MYZAP: variants seen among roughly 807,000 people sequenced by gnomAD.
The protein encoded by MYZAP is myocardial zonula adherens protein.
Under a neutral mutation model 69.4 loss-of-function variants are expected in MYZAP, and 66 were observed. That is an observed-to-expected ratio of 0.95 (90% CI 0.78 to 1.17). MYZAP has a LOEUF of 1.17. Among genes scored for constraint, MYZAP ranks in the 50% most tolerant of loss-of-function variants. The pLI is 0.00. For missense variants in MYZAP, 611 were observed against 556.2 expected (o/e 1.10, Z -0.99); for synonymous variants, 256 against 205.9 (o/e 1.24, Z -2.09).
At chr15:57,678,327 A>G (rs1319184624) in intron 12 of MYZAP, among the ~76,000 whole-genome samples, 1 of 152,154 alleles carries the variant, frequency 6.6e-6, no homozygotes, top group African/African-American at 2.4e-5. Context: ...ATGCCCCTGC[A>G]CTCCAGCCTG....
chr15:57,591,905 T>A lies in MYZAP; in HGVS notation c.-130T>A. The A allele has an allele frequency of 4.3e-6, 3 of 692,018 alleles. No individual in the cohort carries two copies. The highest frequency in any genetic ancestry group is 3.7e-6 in the Non-Finnish European group (2 of 534,954). The allele number at this position is 692,018 out of a possible 1,614,324, so 42.9% of individuals were successfully genotyped here. On this transcript the variant is annotated 5_prime_UTR_variant, in exon 1 of 13. Transcript: ENST00000267853. Reference sequence around the variant, plus strand: ...CCGCCCCCGGCCCCACCCCCGGGCCTTCGCGGTGCAGCTGAGGCTGCAAGT... The same window carrying A: ...CCGCCCCCGGCCCCACCCCCGGGCCATCGCGGTGCAGCTGAGGCTGCAAGT...
At position 57,668,894 on chromosome 15, in the gene MYZAP, A is replaced by ATATATATATATTTT. The variant is rs1252525814; in HGVS notation, c.1204-6073_1204-6072insATATATATATTTTT. Among the ~76,000 whole-genome samples, 100 of 62,582 alleles carry ATATATATATATTTT rather than the reference A, an allele frequency of 1.6e-3. 1 individual carries two copies. Among genetic ancestry groups the ATATATATATATTTT allele is most frequent in the African/African-American group, 3.4e-3 (87 of 25,360 alleles). 41.1% of individuals were successfully genotyped at this position (62,582 alleles called of 152,430 possible). A position where few individuals can be genotyped will look rare whatever the true frequency, so the allele number is the denominator to read the frequency against. On this transcript the variant is annotated intron_variant, in intron 11 of 12. Coordinates refer to ENST00000267853, the MANE Select transcript of MYZAP (RefSeq NM_001018100.5). ...TGAAGATATATATATATATATATAT[A>ATATATATATATTTT]TTTTTTTTTTTTTGCAATGGGGTCT...
intron 8 of MYZAP, among the ~76,000 whole-genome samples, chr15:57,635,398 T>G (rs2036756996): frequency 6.6e-6 from 1 of 152,208 alleles, no homozygotes; most frequent in Non-Finnish European, 1.5e-5. Flanking sequence ...ACGACCCATT[T>G]TATGCTTATC....
rs775386543 is a variant in MYZAP, at chr15:57,604,299, C to G, written c.106C>G (p.Pro36Ala). 1 of 1,614,212 alleles carries G rather than the reference C, an allele frequency of 6.2e-7. No homozygotes were observed. The highest frequency in any genetic ancestry group is 2.2e-5 in the East Asian group (1 of 44,886). Residue 36 changes from proline (P) to alanine (A), a missense_variant, in exon 2 of 13, where the codon CCT (proline) becomes GCT (alanine). By Grantham distance (27) the Pro-to-Ala change is conservative (BLOSUM62 -1). Transcript: ENST00000267853. ...ANVCRLRLTV[P>A]PESPVPEQCE... is the part of the protein sequence containing the mutation. ...TGTTTGCAGACTACGGCTGACCGTA[C>G]CTCCTGAGAGTCCAGTTCCTGAGCA...
intron 10 of MYZAP, chr15:57,647,102 T>A (rs778578347): frequency 6.6e-5 from 65 of 985,298 alleles, no homozygotes; most frequent in Non-Finnish European, 7.8e-5. Context: ...AGTTCTCCAC[T>A]CCTATCACTC....
chr15:57,649,716 T>G (rs2037631761), intron 10 of MYZAP, among the ~76,000 whole-genome samples: 1 of 152,182 alleles, frequency 6.6e-6, no homozygotes, highest in African/African-American at 2.4e-5. Context: ...AAGTTAATCT[T>G]TTTGGCTGTG....
At chr15:57,641,664 A>AAGAG in intron 10 of MYZAP, among the ~76,000 whole-genome samples, 1 of 152,192 alleles carries the variant, frequency 6.6e-6, no homozygotes. Flanking sequence ...CAGCAACAAA[A>AAGAG]AGAGAGAGAG....
At chr15:57,661,406 A>G (rs2038297595) in intron 10 of MYZAP, 44 bp from the exon 11 acceptor site, 5 of 1,434,922 alleles carry the variant, frequency 3.5e-6, no homozygotes, top group African/African-American at 1.4e-5. Context: ...TACTTACACA[A>G]TTGTACATTT....
intron 2 of MYZAP, among the ~76,000 whole-genome samples, chr15:57,611,190 T>C (rs2453094): frequency 0.02 from 3,097 of 152,294 alleles, 119 homozygotes; most frequent in African/African-American, 0.071. Flanking sequence ...ATCCCCATTT[T>C]AGTGTTAAGG....
rs1422799885 is a variant in MYZAP at position 57,625,899 on chromosome 15, A to C, written c.525+7A>C. On this transcript the variant is annotated splice_region_variant and intron_variant, in intron 5 of 12. Coordinates refer to ENST00000267853, the MANE Select transcript of MYZAP (RefSeq NM_001018100.5). ...AGATTCCATTGGCCTGCAGGTACTC[A>C]TCTGCTTACTGCTATGACAGGGCAA... 2 of 1,613,388 alleles carry C rather than the reference A, an allele frequency of 1.2e-6. No homozygotes were observed. Among genetic ancestry groups the C allele is most frequent in the African/African-American group, 2.7e-5 (2 of 74,874 alleles).
At chr15:57,678,440 A>G (rs1455230400) in intron 12 of MYZAP, among the ~76,000 whole-genome samples, 1 of 152,186 alleles carries the variant, frequency 6.6e-6, no homozygotes, top group Non-Finnish European at 1.5e-5. Context: ...AATAACTAAT[A>G]GCTATTACTA....
intron 2 of MYZAP, among the ~76,000 whole-genome samples, chr15:57,612,434 TG>T (rs1195333555): frequency 1.3e-5 from 2 of 152,240 alleles, no homozygotes; most frequent in Non-Finnish European, 2.9e-5. Flanking sequence ...TTTCTTTTTT[TG>T]CACAGATTAA....
At position 57,637,736 on chromosome 15, in the gene MYZAP, A is replaced by G; in HGVS notation, c.975A>G (p.Thr325=). The change falls in exon 9 of 13, where the codon ACA becomes ACG. Residue 325 remains threonine (T), a synonymous_variant. Transcript: ENST00000267853. ...QLQLQLLEHE[T]EMSGELTDSD... ...AACTTCAACTCCTAGAACATGAAACAGAAATGTCTGGGGAGTTAACTGATT... is the reference window on the plus strand; with the variant it reads ...AACTTCAACTCCTAGAACATGAAACGGAAATGTCTGGGGAGTTAACTGATT... 1 of 1,613,062 alleles carries G rather than the reference A, an allele frequency of 6.2e-7. No individual in the cohort carries two copies. Among genetic ancestry groups the G allele is most frequent in the Non-Finnish European group, 8.5e-7 (1 of 1,179,530 alleles).
chr15:57,671,301 A>G (rs1394917176), intron 11 of MYZAP, among the ~76,000 whole-genome samples: 1 of 152,164 alleles, frequency 6.6e-6, no homozygotes, highest in Non-Finnish European at 1.5e-5. Flanking sequence ...GCTCCTGTAT[A>G]TAACAGGTTG....
At chr15:57,626,854 C>T (rs1595883352) in intron 5 of MYZAP, among the ~76,000 whole-genome samples, 1 of 152,178 alleles carries the variant, frequency 6.6e-6, no homozygotes, top group Admixed American at 6.5e-5. Flanking sequence ...TGGGTGGCCT[C>T]GTGTTTGGGG....
intron 11 of MYZAP, among the ~76,000 whole-genome samples, chr15:57,673,794 T>G (rs1376788003): frequency 1.3e-5 from 2 of 152,176 alleles, no homozygotes; most frequent in Non-Finnish European, 2.9e-5. Context: ...ACAAATGAGC[T>G]TCTGTCTCCA....
At chr15:57,681,781 T>G in intron 12 of MYZAP, among the ~76,000 whole-genome samples, 1 of 150,690 alleles carries the variant, frequency 6.6e-6, no homozygotes. Flanking sequence ...AGAGATTTGG[T>G]CTCAAAAAAA....
At chr15:57,609,245 A>G (rs2034954671) in intron 2 of MYZAP, among the ~76,000 whole-genome samples, 1 of 152,184 alleles carries the variant, frequency 6.6e-6, no homozygotes, top group South Asian at 2.1e-4. Context: ...TGAGTTTTAT[A>G]TTAGCTTCCT....
At chr15:57,600,110 G>A (rs1466335427) in intron 1 of MYZAP, among the ~76,000 whole-genome samples, 1 of 152,168 alleles carries the variant, frequency 6.6e-6, no homozygotes, top group Non-Finnish European at 1.5e-5. Flanking sequence ...AAATTAAAAT[G>A]GGATTATTCT....
Sources: allele counts gnomAD v4.1 joint callset (sites outside exome capture counted in the v4.1 genomes callset), GRCh38; gene constraint gnomAD v4.1.1; transcripts MANE v1.5; gene names NCBI Gene and HGNC (gene_info 2026-07-23, HGNC 2026-07-21).